Variants in TF observed in about 807,000 individuals in gnomAD.
TF encodes serotransferrin.
In TF, 55 loss-of-function variants were observed where a neutral mutation model predicts 82.4. The ratio of observed to expected loss-of-function variants is 0.67; its 90% CI spans 0.54 to 0.84. TF has a LOEUF of 0.84. Ranked by LOEUF, TF falls within the 40% of genes least tolerant of loss-of-function variation. The probability of loss-of-function intolerance (pLI) is 0.00; values close to 1 mark genes in which losing one functional copy is unlikely to be tolerated. For missense variants in TF, 737 were observed against 868.4 expected (o/e 0.85, Z 1.90); for synonymous variants, 332 against 332.6 (o/e 1.00, Z 0.02).
the TF span, chr3:133,710,107 A>G: frequency 6.5e-6 from 1 of 152,728 alleles, no homozygotes; most frequent in Admixed American, 6.5e-5. Context: ...AGTACTAGCA[A>G]GGCCTGACCC....
rs1934481726 is a variant in TF, at chr3:133,779,948, A to C, written c.*1328A>C. 1 of 152,214 alleles carries C rather than the reference A, an allele frequency of 6.6e-6. No individual in the cohort carries two copies. The highest frequency in any genetic ancestry group is 2.4e-5 in the African/African-American group (1 of 41,436). The allele number at this position is 152,214 out of a possible 1,614,324, so 9.4% of individuals were successfully genotyped here. ...TAGAGGGGTGAAATTTCAGTTCGCCATTTTCCCTCACACTACATCCAGCGT... is the reference window on the plus strand; with the variant it reads ...TAGAGGGGTGAAATTTCAGTTCGCCCTTTTCCCTCACACTACATCCAGCGT... On this transcript the variant is annotated 3_prime_UTR_variant, in exon 17 of 17. Coordinates refer to ENST00000402696, the MANE Select transcript of TF (RefSeq NM_001063.4).
the TF span, among the ~76,000 whole-genome samples, chr3:133,670,450 G>A: frequency 3.1e-3 from 474 of 152,286 alleles, 7 homozygotes; most frequent in East Asian, 0.056. Context: ...TTAGCACTTT[G>A]GATGTCCTAT....
the TF span, among the ~76,000 whole-genome samples, chr3:133,683,275 C>G: frequency 6.6e-6 from 1 of 152,186 alleles, no homozygotes; most frequent in Admixed American, 6.5e-5. Context: ...ACCATCAAAG[C>G]TAGGAAGAAA....
upstream of TF, chr3:133,746,106 C>CG: frequency 2.2e-6 from 1 of 456,644 alleles, no homozygotes; most frequent in South Asian, 2.1e-5. Context: ...CAGAGCCCCC[C>CG]GGCTCCCAGC....
the TF span, among the ~76,000 whole-genome samples, chr3:133,690,278 A>G: frequency 5.9e-5 from 9 of 152,212 alleles, no homozygotes; most frequent in Non-Finnish European, 1.2e-4. Flanking sequence ...AATGCTGAAG[A>G]ATAAAAAAAC....
chr3:133,680,483 G>A, the TF span, among the ~76,000 whole-genome samples: 12 of 151,872 alleles, frequency 7.9e-5, no homozygotes, highest in African/African-American at 2.9e-4. Context: ...GGGATTGTAG[G>A]CACACAGTAT....
At chr3:133,767,792 T>G (rs780114728) in intron 12 of TF, among the ~76,000 whole-genome samples, 10 of 152,250 alleles carry the variant, frequency 6.6e-5, no homozygotes, top group Admixed American at 3.3e-4. Context: ...ACATCATTAT[T>G]GTGCTCAAAT....
At position 133,781,264 on chromosome 3, in the gene TF, C is replaced by A. The variant is rs934369518; in HGVS notation, c.*2644C>A. ...CTGGGAGGCAGAAGTTGTGGTGAGCCGAGATCGCACCATTGCACTCCAGTC... is the reference window on the plus strand; with the variant it reads ...CTGGGAGGCAGAAGTTGTGGTGAGCAGAGATCGCACCATTGCACTCCAGTC... On this transcript the variant is annotated 3_prime_UTR_variant, in exon 17 of 17. Transcript: ENST00000402696. 6.6e-6 allele frequency: 1 copy of A among 151,816 alleles called. No individual in the cohort carries two copies. The highest frequency in any genetic ancestry group is 1.5e-5 in the Non-Finnish European group (1 of 67,994). The allele number at this position is 151,816 out of a possible 1,614,324, so 9.4% of individuals were successfully genotyped here.
chr3:133,768,277 AAG>A (rs916765103), intron 13 of TF, 113 bp downstream of exon 13: 1 of 1,405,774 alleles, frequency 7.1e-7, no homozygotes, highest in African/African-American at 1.4e-5. Context: ...GGCATGTATT[AAG>A]AGAGTATATT....
chr3:133,721,179 C>T, the TF span, among the ~76,000 whole-genome samples: 2 of 151,978 alleles, frequency 1.3e-5, no homozygotes, highest in South Asian at 2.1e-4. Flanking sequence ...TTGAGGTGCA[C>T]AGTTAGGTTG....
At chr3:133,728,428 T>C in the TF span, among the ~76,000 whole-genome samples, 1 of 152,028 alleles carries the variant, frequency 6.6e-6, no homozygotes, top group Non-Finnish European at 1.5e-5. Flanking sequence ...TGATACCCTT[T>C]CTTCCAGTTC....
intron 1 of TF, 33 bp downstream of exon 1, chr3:133,746,516 C>T: frequency 7.0e-6 from 11 of 1,576,268 alleles, no homozygotes; most frequent in Non-Finnish European, 8.6e-6. Context: ...ACCGCAGAGT[C>T]GCTGGCCCGC....
chr3:133,680,843 G>A, the TF span, among the ~76,000 whole-genome samples: 2 of 152,010 alleles, frequency 1.3e-5, no homozygotes, highest in South Asian at 2.1e-4. Context: ...AGACCCAGAT[G>A]GTTCAAATAT....
upstream of TF, among the ~76,000 whole-genome samples, chr3:133,743,517 C>A (rs540066968): frequency 1.3e-5 from 2 of 152,244 alleles, no homozygotes; most frequent in East Asian, 1.9e-4. Flanking sequence ...TGGATGTGTA[C>A]ACTCTGGAAC....
chr3:133,746,013 T>C (rs1933486416), upstream of TF: 2 of 287,318 alleles, frequency 7.0e-6, no homozygotes, highest in Non-Finnish European at 1.4e-5. Context: ...TTCTTTTCCC[T>C]CTCCAGCCTC....
At chr3:133,753,529 T>C in intron 2 of TF, 66 bp from the exon 3 acceptor site, 1 of 1,398,602 alleles carries the variant, frequency 7.2e-7, no homozygotes. Flanking sequence ...TCTCTACTTG[T>C]GTGGGTTGAG....
Position 133,756,831 on chromosome 3 carries a change from A to G in TF, c.692A>G (p.Glu231Gly). The change falls in exon 7 of 17, where the codon GAG becomes GGG. Residue 231 changes from glutamate to glycine, a missense_variant and splice_region_variant. By Grantham distance (98) the Glu-to-Gly change is moderately conservative. Coordinates refer to ENST00000402696, the MANE Select transcript of TF (RefSeq NM_001063.4). Reference protein sequence around the residue: ...VAFVKHSTIFENLANKADRDQ... With the variant: ...VAFVKHSTIFGNLANKADRDQ... ...GCTCACCTGGGCTTTCCCTCCCCAG[A>G]GAACTTGGCAAACAAGGCTGACAGG... 1 of 1,614,180 alleles carries G rather than the reference A, an allele frequency of 6.2e-7. No individual in the cohort carries two copies. The highest frequency in any genetic ancestry group is 8.5e-7 in the Non-Finnish European group (1 of 1,180,026).
the TF span, among the ~76,000 whole-genome samples, chr3:133,714,839 C>T: frequency 1.3e-5 from 2 of 152,108 alleles, no homozygotes; most frequent in Admixed American, 6.6e-5. Context: ...CCCACCACCA[C>T]ACCCAGCTAA....
the TF span, chr3:133,700,135 T>G: frequency 2.0e-5 from 3 of 152,920 alleles, no homozygotes; most frequent in African/African-American, 7.3e-5. Flanking sequence ...TGGACATGGA[T>G]GGCGTCCTTT....
Sources: gnomAD v4.1 joint callset for allele counts (sites outside exome capture counted in the v4.1 genomes callset) on GRCh38, gnomAD v4.1.1 for gene constraint, MANE v1.5 for transcripts, NCBI Gene and HGNC (gene_info 2026-07-23, HGNC 2026-07-21) for gene names.